TOM1: variants seen among roughly 807,000 people sequenced by gnomAD.
The protein encoded by TOM1 is target of myb1 membrane trafficking protein.
Under a neutral mutation model 61.3 loss-of-function variants are expected in TOM1, and 38 were observed. The ratio of observed to expected loss-of-function variants is 0.62; its 90% CI spans 0.48 to 0.81. The LOEUF is 0.81. Among genes scored for constraint, TOM1 ranks in the 40% least tolerant of loss-of-function variants. TOM1 has a pLI of 0.00. For synonymous variants in TOM1, 270 were observed against 268.8 expected, an observed-to-expected ratio of 1.00 and a Z score of -0.04; for missense variants, 591 against 659.6, an observed-to-expected ratio of 0.90 and a Z score of 1.14.
At chr22:35,327,971 C>T (rs756573571) in intron 7 of TOM1, among the ~76,000 whole-genome samples, 11 of 152,180 alleles carry the variant, frequency 7.2e-5, no homozygotes, top group Non-Finnish European at 1.5e-5. Context: ...GCACCCTCCC[C>T]ATGGAGGCCA....
chr22:35,328,890 G>GT (rs1350266181), intron 7 of TOM1, among the ~76,000 whole-genome samples: 2 of 152,232 alleles, frequency 1.3e-5, no homozygotes, highest in Non-Finnish European at 2.9e-5. Flanking sequence ...CCTTCACCTG[G>GT]TGGCAGGTAC....
rs375520893 is a variant in TOM1, at chr22:35,340,206, G to A, written c.1224+1418G>A. Among the ~76,000 whole-genome samples the A allele has an allele frequency of 6.6e-5, 10 of 152,328 alleles. No homozygotes were observed. In the East Asian group the frequency reaches 1.7e-3, roughly 26 times the overall value. ...CGGACCTGGGAGTCCAGGGAGTCCG[G>A]GGGAGTGAGGGTGGTGGACCTGGGG... On this transcript the variant is annotated intron_variant, in intron 12 of 14. Transcript: ENST00000449058.
At chr22:35,343,384 CCACTCATAAACCTACACACA>C (rs1930144763) in intron 12 of TOM1, among the ~76,000 whole-genome samples, 5 of 121,420 alleles carry the variant, frequency 4.1e-5, no homozygotes, top group South Asian at 2.6e-4. Context: ...ACACACACCT[CCACTCATAAACCTACACACA>C]CAGCCCTACA....
rs143977846 is a variant in TOM1, at chr22:35,323,126, C to G, written c.315C>G (p.Pro105=). The part of the protein sequence containing the change: ...VESVLVRTIL[P]KNNPPTIVHD... ...GTGTGCTGGTGAGGACCATCCTGCC[C>G]AAGAACAACCCACCCACCATCGTGC... The change falls in exon 4 of 15, where the codon CCC becomes CCG. Residue 105 remains proline (P), a synonymous_variant. Transcript: ENST00000449058. This position sits in a 1 kb window ranked among gnomAD's most constrained non-coding sequence, Gnocchi z 4.2. 2.6e-5 allele frequency: 42 copies of G among 1,614,028 alleles called. No individual in the cohort carries two copies. In the African/African-American group the frequency reaches 4.8e-4, roughly 18 times the overall value.
At chr22:35,307,328 T>G (rs1371370204) in intron 1 of TOM1, among the ~76,000 whole-genome samples, 1 of 152,216 alleles carries the variant, frequency 6.6e-6, no homozygotes, top group Non-Finnish European at 1.5e-5. Context: ...TGTTCGTGTT[T>G]TTTTCCTATC....
At chr22:35,332,692 C>A (rs913742873) in intron 8 of TOM1, among the ~76,000 whole-genome samples, 1 of 152,146 alleles carries the variant, frequency 6.6e-6, no homozygotes, top group Admixed American at 6.5e-5. Flanking sequence ...ATTTTCTTTG[C>A]TGTTCTAACC....
chr22:35,334,544 C>T (rs1480184570), intron 11 of TOM1, 96 bp downstream of exon 11: 1 of 1,466,278 alleles, frequency 6.8e-7, no homozygotes, highest in Non-Finnish European at 9.4e-7. Context: ...AGGAAGGGCA[C>T]ACGGACCCTG....
chr22:35,308,108 G>T (rs1313858479), intron 1 of TOM1, among the ~76,000 whole-genome samples: 2 of 152,132 alleles, frequency 1.3e-5, no homozygotes, highest in Non-Finnish European at 1.5e-5. Context: ...CACTTGGACA[G>T]CATCTGTTTC....
At chr22:35,327,163 G>T in intron 6 of TOM1, 108 bp from the exon 7 acceptor site, 1 of 1,054,806 alleles carries the variant, frequency 9.5e-7, no homozygotes, top group East Asian at 2.4e-5. Flanking sequence ...CTGGGAGGTC[G>T]GCTCCCTGGT....
At chr22:35,311,143 A>T (rs1303478462) in intron 1 of TOM1, 1 of 152,534 alleles carries the variant, frequency 6.6e-6, no homozygotes, top group Non-Finnish European at 1.5e-5. Context: ...TGGGAGTGGG[A>T]GGAAGGACTG....
upstream of TOM1, chr22:35,299,793 T>G: frequency 7.3e-6 from 7 of 959,800 alleles, no homozygotes; most frequent in East Asian, 2.7e-5. Context: ...GGGCGGGGCT[T>G]GTGGTCGAGC....
chr22:35,309,025 G>T (rs1200562965), intron 1 of TOM1, among the ~76,000 whole-genome samples: 4 of 151,894 alleles, frequency 2.6e-5, no homozygotes, highest in African/African-American at 9.7e-5. Context: ...TTCAAGACAA[G>T]TTTCTGGCTG....
upstream of TOM1, chr22:35,299,817 C>G (rs942096946): frequency 2.3e-6 from 3 of 1,281,318 alleles, no homozygotes; most frequent in African/African-American, 4.5e-5. Context: ...GCGGTGCCAC[C>G]GCCCCGCCCA....
At chr22:35,303,739 C>T (rs1482926581) in intron 1 of TOM1, among the ~76,000 whole-genome samples, 1 of 152,068 alleles carries the variant, frequency 6.6e-6, no homozygotes, top group Non-Finnish European at 1.5e-5. Context: ...CTCAAGTGAT[C>T]CAGCCACCTT....
At chr22:35,315,524 A>T (rs1927203375) in intron 1 of TOM1, among the ~76,000 whole-genome samples, 1 of 152,178 alleles carries the variant, frequency 6.6e-6, no homozygotes, top group Non-Finnish European at 1.5e-5. Context: ...AAGAAGCCAC[A>T]CTCAGTAAAC....
rs150533423 is a variant in TOM1, at chr22:35,328,660, AC to A, written c.765+1276del. ...GGGAGCCCACAGGATGTTGAAAGGC[AC>A]CCGCCCTGTCCCCGTGCTAAGGGCG... On this transcript the variant is annotated intron_variant, in intron 7 of 14. Transcript: ENST00000449058. 8.4e-3 allele frequency among the ~76,000 whole-genome samples: 1,272 copies of A among 152,198 alleles called. 16 individuals are homozygous for A. The highest frequency in any genetic ancestry group is 0.029 in the African/African-American group (1,219 of 41,518).
At chr22:35,317,810 C>T in intron 1 of TOM1, 67 bp from the exon 2 acceptor site, 1 of 1,240,594 alleles carries the variant, frequency 8.1e-7, no homozygotes. Flanking sequence ...CCTCCTCTCC[C>T]ACCCACGGTT....
At chr22:35,311,708 G>T (rs372823285) in intron 1 of TOM1, among the ~76,000 whole-genome samples, 1 of 152,318 alleles carries the variant, frequency 6.6e-6, no homozygotes, top group Middle Eastern at 3.4e-3. Flanking sequence ...TTTGGAGCAC[G>T]CAGGCCTGGC....
intron 12 of TOM1, chr22:35,345,261 C>A (rs1437068713): frequency 3.1e-5 from 6 of 192,486 alleles, no homozygotes; most frequent in African/African-American, 1.4e-4. Context: ...GGGGATGGAA[C>A]CTGGGGACCC....
Sources: gnomAD v4.1 joint callset for allele counts (sites outside exome capture counted in the v4.1 genomes callset) on GRCh38, gnomAD v4.1.1 for gene constraint, Gnocchi (gnomAD v3.1) non-coding constraint, MANE v1.5 for transcripts, NCBI Gene and HGNC (gene_info 2026-07-23, HGNC 2026-07-21) for gene names.